The following SVEP1 variants were observed in gnomAD, a reference collection of about 807,000 sequenced individuals.
SVEP1 encodes sushi, von Willebrand factor type A, EGF and pentraxin domain containing 1, also known as sushi, von Willebrand factor type A, EGF and pentraxin domain-containing protein 1.
SVEP1 carries 164 observed loss-of-function variants against 367.3 expected under a neutral mutation model. The ratio of observed to expected loss-of-function variants is 0.45; its 90% CI spans 0.39 to 0.51. The LOEUF (loss-of-function observed/expected upper bound fraction) is 0.51. Ranked by LOEUF, SVEP1 falls within the 20% of genes least tolerant of loss-of-function variation. SVEP1 has a pLI of 0.00. For synonymous variants in SVEP1, 1,666 were observed against 1,611.6 expected (o/e 1.03, Z -0.81); for missense variants, 4,117 against 4,425.3 (o/e 0.93, Z 1.98).
intron 1 of SVEP1, among the ~76,000 whole-genome samples, chr9:110,555,073 C>T (rs1830338999): frequency 6.6e-6 from 1 of 152,080 alleles, no homozygotes; most frequent in Non-Finnish European, 1.5e-5. Flanking sequence ...TGAGTTGTTC[C>T]CCTCTGAAGT....
chr9:110,430,494 C>T, intron 32 of SVEP1, 44 bp from the exon 33 acceptor site: 1 of 1,547,668 alleles, frequency 6.5e-7, no homozygotes, highest in Non-Finnish European at 8.8e-7. Context: ...GGCTTTCACA[C>T]AACCATGCAA....
chr9:110,377,353 A>C lies in SVEP1; in HGVS notation c.10422T>G (p.Phe3474Leu). The change falls in exon 45 of 48, where the codon TTT becomes TTG. Residue 3474 changes from phenylalanine (F) to leucine (L), a missense_variant. Transcript: ENST00000374469. ...SPPICRAVCR[F>L]PCQNGGICQR... ...GGCAGATGCCCCCATTCTGACATGG[A>C]AATCGACAGACAGCTGGAAAAGAAG... is the stretch of plus-strand genomic sequence containing the variant. 6.2e-7 allele frequency: 1 copy of C among 1,613,792 alleles called. No individual in the cohort carries two copies. The highest frequency in any genetic ancestry group is 8.5e-7 in the Non-Finnish European group (1 of 1,179,716).
At chr9:110,393,992 C>T (rs1827713250) in intron 40 of SVEP1, among the ~76,000 whole-genome samples, 1 of 152,180 alleles carries the variant, frequency 6.6e-6, no homozygotes, top group Non-Finnish European at 1.5e-5. Context: ...CCCTGTCTGA[C>T]AGCTTTGAAG....
In SVEP1 at chr9:110,466,760, C is replaced by CAAA. The variant is rs71371670; in HGVS notation, c.3161-737_3161-735dup. On this transcript the variant is annotated intron_variant, in intron 17 of 47. Transcript: ENST00000374469. ...TGGGCGACAGAGCGAGACTCCATCTCAAAAAAAAAAAAAAAAAAGAACTGG... is the reference window on the plus strand; with the variant it reads ...TGGGCGACAGAGCGAGACTCCATCTCAAAAAAAAAAAAAAAAAAAAAGAACTGG... Among the ~76,000 whole-genome samples the CAAA allele has an allele frequency of 3.6e-3, 166 of 46,406 alleles. 69 individuals are homozygous for CAAA. The East Asian group carries it at 0.14, about 38-fold the overall frequency. 30.4% of individuals were successfully genotyped at this position (46,406 alleles called of 152,430 possible).
intron 3 of SVEP1, among the ~76,000 whole-genome samples, chr9:110,521,773 G>A (rs1829878799): frequency 6.6e-6 from 1 of 152,060 alleles, no homozygotes; most frequent in Non-Finnish European, 1.5e-5. Context: ...TTTAGGAGAG[G>A]CCCTCTGGAG....
Position 110,503,233 on chromosome 9 carries a change from G to A in SVEP1, c.1304-16C>T, listed in dbSNP as rs1424563037. The A allele has an allele frequency of 1.2e-6, 2 of 1,600,592 alleles. No homozygotes were observed. The highest frequency in any genetic ancestry group is 1.3e-5 in the African/African-American group (1 of 74,484). Reference sequence around the variant, plus strand: ...CATGTTCTTACTATGTAAAATGAAAGCAATTAGATCACATTTTGCTAAATA... The same window carrying A: ...CATGTTCTTACTATGTAAAATGAAAACAATTAGATCACATTTTGCTAAATA... On this transcript the variant is annotated splice_polypyrimidine_tract_variant and intron_variant, in intron 5 of 47. Transcript: ENST00000374469.
intron 26 of SVEP1, among the ~76,000 whole-genome samples, chr9:110,444,409 G>T (rs1828559489): frequency 6.6e-6 from 1 of 152,168 alleles, no homozygotes; most frequent in South Asian, 2.1e-4. Context: ...GAAGCCTCCA[G>T]AACTGTGAGA....
chr9:110,482,386 T>C lies in SVEP1; in HGVS notation c.2145A>G (p.Thr715=), dbSNP rs1433038412. 2.5e-6 allele frequency: 4 copies of C among 1,612,616 alleles called. No individual in the cohort carries two copies. Among genetic ancestry groups the C allele is most frequent in the Non-Finnish European group, 3.4e-6 (4 of 1,179,484 alleles). Residue 715 remains threonine (T), a synonymous_variant, in exon 11 of 48, where the codon ACA becomes ACG. Transcript: ENST00000374469. ...TATDPSGNNR[T]CDIHIVIKGS... The stretch of plus-strand genomic sequence containing the variant: ...CTTTTATGACAATATGGATATCACA[T>C]GTCCTGTTATTGCCTGAGGGGTCAG...
At chr9:110,424,912 G>A (rs1223445390) in intron 36 of SVEP1, among the ~76,000 whole-genome samples, 1 of 152,228 alleles carries the variant, frequency 6.6e-6, no homozygotes, top group African/African-American at 2.4e-5. Context: ...GACCTCAAGT[G>A]ATCCACCTGC....
Position 110,458,568 on chromosome 9 carries a change from C to G in SVEP1, c.3485-6G>C. The G allele has an allele frequency of 6.2e-7, 1 of 1,605,074 alleles. No homozygotes were observed. Among genetic ancestry groups the G allele is most frequent in the Non-Finnish European group, 8.5e-7 (1 of 1,175,572 alleles). On this transcript the variant is annotated splice_region_variant and splice_polypyrimidine_tract_variant and intron_variant, in intron 19 of 47. Transcript: ENST00000374469. ...TGAGAAAGTTGAACTAAAACCTAAT[C>G]AATTAATAGAAAAACATGTCAGTGT... is the stretch of plus-strand genomic sequence containing the variant.
At chr9:110,519,144 G>A (rs1829844705) in intron 3 of SVEP1, among the ~76,000 whole-genome samples, 1 of 152,150 alleles carries the variant, frequency 6.6e-6, no homozygotes, top group African/African-American at 2.4e-5. Flanking sequence ...TTCTTCGTGT[G>A]TAATAGTAGT....
At chr9:110,568,554 A>C (rs77209370) in intron 1 of SVEP1, among the ~76,000 whole-genome samples, 5,184 of 152,250 alleles carry the variant, frequency 0.034, 111 homozygotes, top group Middle Eastern at 0.082. Context: ...CTCTATGTTC[A>C]GAGAAAAAGG....
intron 16 of SVEP1, among the ~76,000 whole-genome samples, chr9:110,470,879 T>A (rs541364840): frequency 8.4e-4 from 128 of 152,154 alleles, no homozygotes; most frequent in Middle Eastern, 3.4e-3. Flanking sequence ...GCTGCACCCA[T>A]TAACTTGTCA....
chr9:110,536,770 A>G (rs754905292), intron 3 of SVEP1, among the ~76,000 whole-genome samples: 5 of 151,950 alleles, frequency 3.3e-5, no homozygotes, highest in Non-Finnish European at 7.4e-5. Flanking sequence ...ATATGTATAC[A>G]TGTGCCATGT....
rs1224371265 is a variant in SVEP1, at chr9:110,415,216, C to T, written c.5976-3481G>A. On this transcript the variant is annotated intron_variant, in intron 36 of 47. Coordinates refer to ENST00000374469, the MANE Select transcript of SVEP1 (RefSeq NM_153366.4). ...CTGGCATTCATTATATCACTTAAGT[C>T]TCTTAAAGTCTCTGCATTTTTGTCC... Among the ~76,000 whole-genome samples, 8 of 152,078 alleles carry T rather than the reference C, an allele frequency of 5.3e-5. No homozygotes were observed. The South Asian group carries it at 1.7e-3, about 31-fold the overall frequency.
chr9:110,407,502 G>A lies in SVEP1; in HGVS notation c.8098C>T (p.Gln2700Ter). The change falls in exon 38 of 48, where the codon CAG becomes TAG. Residue 2700 changes from glutamine to a stop codon, truncating the protein, a stop_gained. Coordinates refer to ENST00000374469, the MANE Select transcript of SVEP1 (RefSeq NM_153366.4). LOFTEE classifies it high-confidence loss of function. Reference sequence around the variant, plus strand: ...CTGCCATTCCAAGTTCCATCTTCCTGGCAGATCAGCACAGGGTTCCCCAGA... The same window carrying A: ...CTGCCATTCCAAGTTCCATCTTCCTAGCAGATCAGCACAGGGTTCCCCAGA... ...ELLGNPVLIC[Q>*]EDGTWNGSAP... The A allele has an allele frequency of 1.2e-6, 2 of 1,613,942 alleles. No individual in the cohort carries two copies. Among genetic ancestry groups the A allele is most frequent in the Non-Finnish European group, 1.7e-6 (2 of 1,179,886 alleles).
chr9:110,547,877 A>G (rs1830239699), intron 2 of SVEP1, among the ~76,000 whole-genome samples: 1 of 152,130 alleles, frequency 6.6e-6, no homozygotes, highest in African/African-American at 2.4e-5. Flanking sequence ...AACTCAACTA[A>G]AGTATTACAC....
chr9:110,494,571 T>C (rs1452353004), intron 8 of SVEP1, among the ~76,000 whole-genome samples: 1 of 152,240 alleles, frequency 6.6e-6, no homozygotes, highest in Non-Finnish European at 1.5e-5. Context: ...ACTGTACATA[T>C]AATTTAGCAT....
At position 110,540,828 on chromosome 9, in the gene SVEP1, C is replaced by T. The variant is rs1043834530; in HGVS notation, c.964+5287G>A. 3.3e-5 allele frequency among the ~76,000 whole-genome samples: 5 copies of T among 152,254 alleles called. No individual in the cohort carries two copies. In the East Asian group the frequency reaches 9.6e-4, roughly 29 times the overall value. ...CTACAATTATTACAATATTTTTGTG[C>T]ATCAGGATCTTGTCCATGAAGTAGC... is the stretch of plus-strand genomic sequence containing the variant. On this transcript the variant is annotated intron_variant, in intron 3 of 47. Transcript: ENST00000374469.
Sources: gnomAD v4.1 joint callset for allele counts (sites outside exome capture counted in the v4.1 genomes callset) on GRCh38, gnomAD v4.1.1 for gene constraint, MANE v1.5 for transcripts, NCBI Gene and HGNC (gene_info 2026-07-23, HGNC 2026-07-21) for gene names.